The following BSDC1 variants were observed in gnomAD, a reference collection of about 807,000 sequenced individuals.
BSDC1 encodes BSD domain-containing protein 1.
A neutral mutation model predicts 56.0 loss-of-function variants in BSDC1; 29 were observed. That is an observed-to-expected ratio of 0.52 (90% CI 0.39 to 0.71). BSDC1 has a LOEUF of 0.71. Among genes scored for constraint, BSDC1 ranks in the 30% least tolerant of loss-of-function variants. BSDC1 has a pLI of 0.00. For missense variants in BSDC1, 477 were observed against 548.5 expected (o/e 0.87, Z 1.30); for synonymous variants, 210 against 215.3 (o/e 0.98, Z 0.21).
At chr1:32,386,957 C>T in intron 2 of BSDC1, 62 bp from the exon 3 acceptor site, 1 of 1,335,338 alleles carries the variant, frequency 7.5e-7, no homozygotes, top group Admixed American at 1.7e-5. Flanking sequence ...GTTCCTGTTC[C>T]CTGTGTTTCT....
chr1:32,378,025 C>A lies in BSDC1; in HGVS notation c.621G>T (p.Leu207=), dbSNP rs372312772. 6.2e-7 allele frequency: 1 copy of A among 1,613,108 alleles called. No homozygotes were observed. The highest frequency in any genetic ancestry group is 1.3e-5 in the African/African-American group (1 of 74,936). The change falls in exon 8 of 11, where the codon CTG becomes CTT. Residue 207 remains leucine (L), a synonymous_variant. Transcript: ENST00000455895. The surrounding 1 kb of genome is among the most constrained non-coding windows in gnomAD (Gnocchi z 5.2). ...AGATGCTCTGTTCCGCCCGCTGCTT[C>A]AGGGCGTCCCTCCGGGCCTGCTCCT... is the stretch of plus-strand genomic sequence containing the variant. ...LEQEQARRDA[L]KQRAEQSISE... is the part of the protein sequence containing the mutation.
chr1:32,370,820 A>G (rs1361197159), intron 9 of BSDC1, among the ~76,000 whole-genome samples: 1 of 151,122 alleles, frequency 6.6e-6, no homozygotes, highest in African/African-American at 2.4e-5. Context: ...AAAAAAAAAA[A>G]AAAAAAAAAA....
intron 8 of BSDC1, 119 bp downstream of exon 8, chr1:32,377,851 C>T: frequency 2.2e-6 from 2 of 915,878 alleles, no homozygotes; most frequent in Non-Finnish European, 3.3e-6. Flanking sequence ...ATACAATGTG[C>T]TTGTTCCCTA....
intron 4 of BSDC1, among the ~76,000 whole-genome samples, chr1:32,382,125 G>A (rs1642497451): frequency 6.6e-6 from 1 of 151,888 alleles, no homozygotes; most frequent in African/African-American, 2.4e-5. Context: ...TACTCAGGAT[G>A]CTGAGGCAGG....
chr1:32,382,365 A>G (rs1158758034), intron 4 of BSDC1, among the ~76,000 whole-genome samples: 1 of 151,696 alleles, frequency 6.6e-6, no homozygotes, highest in African/African-American at 2.4e-5. Flanking sequence ...GCTGCTCAGG[A>G]GGCTGAGGTG....
In BSDC1 at chr1:32,376,308, C is replaced by A; in HGVS notation, c.1110G>T (p.Leu370=). 6.3e-7 allele frequency: 1 copy of A among 1,582,744 alleles called. No homozygotes were observed. The highest frequency in any genetic ancestry group is 1.1e-5 in the South Asian group (1 of 89,022). Residue 370 remains leucine, a synonymous_variant, in exon 9 of 11, where the codon CTG becomes CTT. Transcript: ENST00000455895. ...GTGTAGACTTCCCACTATCCGAGTT[C>A]AGCTCAAACACCCGTAAGTCTGTGG... is the stretch of plus-strand genomic sequence containing the variant. ...EAPTDLRVFE[L]NSDSGKSTPS...
chr1:32,370,141 A>G (rs189964922), intron 9 of BSDC1, among the ~76,000 whole-genome samples: 1 of 152,058 alleles, frequency 6.6e-6, no homozygotes, highest in Non-Finnish European at 1.5e-5. Context: ...CCATGCCTGG[A>G]TAATTTTTGT....
Position 32,364,938 on chromosome 1 carries a change from T to C in BSDC1, c.*1684A>G, listed in dbSNP as rs1641789530. Among the ~76,000 whole-genome samples, 1 of 152,210 alleles carries C rather than the reference T, an allele frequency of 6.6e-6. No individual in the cohort carries two copies. The highest frequency in any genetic ancestry group is 1.5e-5 in the Non-Finnish European group (1 of 68,040). On this transcript the variant is annotated 3_prime_UTR_variant, in exon 11 of 11. Transcript: ENST00000455895. ...CCAGTGAGAGGCCTGTTGCGAGCCC[T>C]GACCCTTTCTCATCCCAAAGGCAAA...
chr1:32,388,413 G>A (rs1642745656), intron 2 of BSDC1, among the ~76,000 whole-genome samples: 1 of 151,888 alleles, frequency 6.6e-6, no homozygotes, highest in Non-Finnish European at 1.5e-5. Flanking sequence ...TGTGCCCTGG[G>A]TCATTTACCG....
At position 32,366,293 on chromosome 1, in the gene BSDC1, CCCTTGGGA is replaced by C. The variant is rs1641847029; in HGVS notation, c.*321_*328del. 2 of 524,838 alleles carry C rather than the reference CCCTTGGGA, an allele frequency of 3.8e-6. No individual in the cohort carries two copies. Among genetic ancestry groups the C allele is most frequent in the Non-Finnish European group, 7.0e-6 (2 of 284,592 alleles). 32.5% of individuals were successfully genotyped at this position (524,838 alleles called of 1,614,324 possible). A position where few individuals can be genotyped will look rare whatever the true frequency, so the allele number is the denominator to read the frequency against. On this transcript the variant is annotated 3_prime_UTR_variant, in exon 11 of 11. Coordinates refer to ENST00000455895, the MANE Select transcript of BSDC1 (RefSeq NM_018045.8). The stretch of plus-strand genomic sequence containing the variant: ...ACACAGGCAGAAGGGCTAGAACTAT[CCCTTGGGA>C]CTTCCCAGCAGGAGTCCTCAGGAAC...
At chr1:32,372,349 C>T (rs1642121750) in intron 9 of BSDC1, among the ~76,000 whole-genome samples, 1 of 152,268 alleles carries the variant, frequency 6.6e-6, no homozygotes, top group South Asian at 2.1e-4. Context: ...TGCTTCCTCA[C>T]TTCAGGGCTT....
chr1:32,379,831 G>A (rs1296093182), intron 5 of BSDC1, among the ~76,000 whole-genome samples: 1 of 152,140 alleles, frequency 6.6e-6, no homozygotes. Flanking sequence ...CCTCTGACAC[G>A]GGATTCCTAC....
Position 32,376,707 on chromosome 1 carries a change from T to G in BSDC1, c.711A>C (p.Lys237Asn). ...ELMGISPISP[K>N]EAKVPVAKIS... The stretch of plus-strand genomic sequence containing the variant: ...TTTTGGCCACAGGAACCTTTGCCTC[T>G]TTTGGAGATATGGGTGAAATGCCCA... Residue 237 changes from lysine to asparagine, a missense_variant, in exon 9 of 11, where the codon AAA becomes AAC. Transcript: ENST00000455895. 7.0e-7 allele frequency: 1 copy of G among 1,421,848 alleles called. No individual in the cohort carries two copies. The highest frequency in any genetic ancestry group is 9.3e-7 in the Non-Finnish European group (1 of 1,076,596). 88.1% of individuals were successfully genotyped at this position (1,421,848 alleles called of 1,614,324 possible). A position where few individuals can be genotyped will look rare whatever the true frequency, so the allele number is the denominator to read the frequency against.
chr1:32,368,332 G>C, intron 10 of BSDC1, 115 bp downstream of exon 10: 1 of 1,612,976 alleles, frequency 6.2e-7, no homozygotes, highest in Non-Finnish European at 8.5e-7. Flanking sequence ...CCCACCACCT[G>C]TCACCTCAGA....
chr1:32,368,429 C>T lies in BSDC1; in HGVS notation c.1260+18G>A, dbSNP rs1454360712. 1 of 1,614,010 alleles carries T rather than the reference C, an allele frequency of 6.2e-7. No individual in the cohort carries two copies. The highest frequency in any genetic ancestry group is 1.3e-5 in the African/African-American group (1 of 74,902). ...GACCATTAGGCTCGCTTCCCTCTGA[C>T]CCACCAGGCCCACTCACCTCCCCGG... is the stretch of plus-strand genomic sequence containing the variant. On this transcript the variant is annotated intron_variant, in intron 10 of 10. Transcript: ENST00000455895.
chr1:32,390,214 T>G (rs557884217), intron 2 of BSDC1, among the ~76,000 whole-genome samples: 1 of 152,092 alleles, frequency 6.6e-6, no homozygotes, highest in South Asian at 2.1e-4. Context: ...ATTACTCCAG[T>G]GACTGGAATG....
At chr1:32,367,569 A>G in intron 10 of BSDC1, 1 of 985,444 alleles carries the variant, frequency 1.0e-6, no homozygotes, top group Non-Finnish European at 1.2e-6. Context: ...CTTATGTGAC[A>G]GTGGAACTAA....
chr1:32,374,903 A>C (rs1642220811), intron 9 of BSDC1: 1 of 152,350 alleles, frequency 6.6e-6, no homozygotes, highest in African/African-American at 2.4e-5. Context: ...CTGTAATCAC[A>C]GCACTTTGGG....
chr1:32,376,961 C>T (rs1224770442), intron 8 of BSDC1, among the ~76,000 whole-genome samples: 2 of 152,070 alleles, frequency 1.3e-5, no homozygotes, highest in Non-Finnish European at 2.9e-5. Context: ...GGTGAAACCC[C>T]ATCTCTACTA....
Sources: allele counts gnomAD v4.1 joint callset (sites outside exome capture counted in the v4.1 genomes callset), GRCh38; gene constraint gnomAD v4.1.1; non-coding constraint Gnocchi (gnomAD v3.1); transcripts MANE v1.5; gene names NCBI Gene and HGNC (gene_info 2026-07-23, HGNC 2026-07-21).